Variants in ACBD6 observed in about 807,000 individuals in gnomAD.
ACBD6 encodes the protein acyl-CoA-binding domain-containing protein 6.
Under a neutral mutation model 37.2 loss-of-function variants are expected in ACBD6, and 28 were observed. The observed-to-expected ratio is 0.75, with a 90% CI of 0.56 to 1.03. The LOEUF (loss-of-function observed/expected upper bound fraction) is 1.03, where lower values mean the gene tolerates loss of function less well. Among genes scored for constraint, ACBD6 ranks in the 50% least tolerant of loss-of-function variants. ACBD6 has a pLI of 0.00. For missense variants in ACBD6, 340 were observed against 337.4 expected (o/e 1.01, Z -0.06); for synonymous variants, 113 against 126.8 (o/e 0.89, Z 0.73).
At chr1:180,469,996 A>G (rs1192255354) in intron 3 of ACBD6, among the ~76,000 whole-genome samples, 2 of 152,190 alleles carry the variant, frequency 1.3e-5, no homozygotes, top group African/African-American at 2.4e-5. Flanking sequence ...TATGTCAAAT[A>G]TAATAAATAA....
chr1:180,454,682 A>G (rs1649847377), intron 3 of ACBD6, among the ~76,000 whole-genome samples: 1 of 152,212 alleles, frequency 6.6e-6, no homozygotes, highest in African/African-American at 2.4e-5. Context: ...TTTACAAGAA[A>G]AAAAACCCCA....
chr1:180,310,835 T>C (rs547261978), intron 7 of ACBD6, among the ~76,000 whole-genome samples: 54 of 152,328 alleles, frequency 3.5e-4, no homozygotes, highest in Non-Finnish European at 6.9e-4. Flanking sequence ...TTTGTAGACA[T>C]TTACATGTTG....
At chr1:180,422,041 T>G (rs1387956145) in intron 4 of ACBD6, among the ~76,000 whole-genome samples, 2 of 152,210 alleles carry the variant, frequency 1.3e-5, no homozygotes, top group Admixed American at 6.5e-5. Context: ...AATGACTTTT[T>G]TCTCAAATCA....
At chr1:180,479,098 A>G (rs1276294415) in intron 3 of ACBD6, among the ~76,000 whole-genome samples, 1 of 152,158 alleles carries the variant, frequency 6.6e-6, no homozygotes, top group Non-Finnish European at 1.5e-5. Flanking sequence ...GCACCACTGC[A>G]CTCCAGCCTG....
At chr1:180,307,773 G>C (rs1434317654) in intron 7 of ACBD6, among the ~76,000 whole-genome samples, 23 of 152,130 alleles carry the variant, frequency 1.5e-4, no homozygotes, top group Non-Finnish European at 1.5e-5. Context: ...TGGTCAACAC[G>C]GTAAAATCCC....
intron 5 of ACBD6, among the ~76,000 whole-genome samples, chr1:180,411,712 C>CA (rs1647865951): frequency 6.6e-6 from 1 of 152,182 alleles, no homozygotes; most frequent in African/African-American, 2.4e-5. Context: ...GTTGCCCAGG[C>CA]TGGAGTGCCA....
intron 3 of ACBD6, among the ~76,000 whole-genome samples, chr1:180,468,686 C>T (rs1333303064): frequency 6.6e-6 from 1 of 152,146 alleles, no homozygotes; most frequent in Non-Finnish European, 1.5e-5. Context: ...TTCTGTTAAT[C>T]TCGGTTCTGC....
At chr1:180,466,516 T>C (rs887444037) in intron 3 of ACBD6, among the ~76,000 whole-genome samples, 1 of 152,208 alleles carries the variant, frequency 6.6e-6, no homozygotes, top group Non-Finnish European at 1.5e-5. Context: ...CAATGAGAGC[T>C]TGACACTTTC....
At chr1:180,390,085 T>C (rs1405020659) in intron 6 of ACBD6, among the ~76,000 whole-genome samples, 5 of 152,140 alleles carry the variant, frequency 3.3e-5, no homozygotes, top group Admixed American at 3.3e-4. Context: ...CCCATGCCTA[T>C]GTCCTGAATG....
rs1648704489 is a variant in ACBD6, at chr1:180,428,908, CA to C, written c.467+1271del. Among the ~76,000 whole-genome samples the C allele has an allele frequency of 3.9e-5, 6 of 152,144 alleles. No homozygotes were observed. In the South Asian group the frequency reaches 1.2e-3, roughly 32 times the overall value. On this transcript the variant is annotated intron_variant, in intron 4 of 7. Transcript: ENST00000367595. Reference sequence around the variant, plus strand: ...TAGGATAGGCATATCACAGAAGAACCAAACCAGCAGCTCTCTGTCTTACAAT... The same window carrying C: ...TAGGATAGGCATATCACAGAAGAACCAACCAGCAGCTCTCTGTCTTACAAT...
chr1:180,347,360 G>GTGTTTTTTTTTTTTTTTTT (rs1553296138), intron 6 of ACBD6, among the ~76,000 whole-genome samples: 1 of 49,074 alleles, frequency 2.0e-5, no homozygotes, highest in African/African-American at 5.0e-5. Flanking sequence ...TCAACAGAAA[G>GTGTTTTTTTTTTTTTTTTT]TTTTTTTTTT....
At chr1:180,425,264 T>C (rs1367475777) in intron 4 of ACBD6, among the ~76,000 whole-genome samples, 3 of 152,224 alleles carry the variant, frequency 2.0e-5, no homozygotes, top group Non-Finnish European at 4.4e-5. Context: ...GCTGAGGTTT[T>C]ACAGGCTGAA....
intron 6 of ACBD6, among the ~76,000 whole-genome samples, chr1:180,352,028 T>C (rs1652440075): frequency 6.6e-6 from 1 of 152,078 alleles, no homozygotes; most frequent in South Asian, 2.1e-4. Flanking sequence ...TTATGCTAAA[T>C]AAAATAAGCC....
chr1:180,439,337 C>A (rs1408185415), intron 3 of ACBD6, among the ~76,000 whole-genome samples: 1 of 152,122 alleles, frequency 6.6e-6, no homozygotes, highest in African/African-American at 2.4e-5. Flanking sequence ...GTAATCCCAG[C>A]ACTGGGGGAG....
intron 7 of ACBD6, among the ~76,000 whole-genome samples, chr1:180,294,927 A>C (rs951713323): frequency 2.6e-5 from 4 of 152,046 alleles, no homozygotes; most frequent in Admixed American, 2.0e-4. Flanking sequence ...TCGAACTCTT[A>C]GTCTCAAGTG....
At chr1:180,457,856 G>A (rs1557879088) in intron 3 of ACBD6, among the ~76,000 whole-genome samples, 2 of 148,582 alleles carry the variant, frequency 1.3e-5, no homozygotes, top group African/African-American at 2.5e-5. Context: ...ACAATGGCAC[G>A]ATCTCAGCTC....
intron 6 of ACBD6, among the ~76,000 whole-genome samples, chr1:180,347,148 T>C (rs889636073): frequency 3.2e-4 from 48 of 152,190 alleles, no homozygotes; most frequent in Non-Finnish European, 6.5e-4. Context: ...TAAAGAGCTG[T>C]GGGTGAAAAG....
rs187864235 is a variant in ACBD6 at position 180,470,286 on chromosome 1, C to G, written c.384+21983G>C. 4.7e-3 allele frequency among the ~76,000 whole-genome samples: 716 copies of G among 152,186 alleles called. 1 individual carries two copies. The highest frequency in any genetic ancestry group is 7.6e-3 in the Non-Finnish European group (518 of 67,986). On this transcript the variant is annotated intron_variant, in intron 3 of 7. Coordinates refer to ENST00000367595, the MANE Select transcript of ACBD6 (RefSeq NM_032360.4). ...AAGATAAAAAACAGCAAAAAAAATA[C>G]CCACAAGAACCATGAAGCTATATGA...
chr1:180,271,745 T>C, exon 14 of ACBD6: 1 of 1,472,012 alleles, frequency 6.8e-7, no homozygotes, highest in Non-Finnish European at 9.5e-7. Context: ...CAGGCTTCAG[T>C]CTGCTTCCAG....
Sources: allele counts gnomAD v4.1 joint callset (sites outside exome capture counted in the v4.1 genomes callset), GRCh38; gene constraint gnomAD v4.1.1; transcripts MANE v1.5; gene names NCBI Gene and HGNC (gene_info 2026-07-23, HGNC 2026-07-21).